PLA1A: variants seen among roughly 807,000 people sequenced by gnomAD.
PLA1A encodes the protein phosphatidylserine-specific phospholipase A1alpha.
A neutral mutation model predicts 49.4 loss-of-function variants in PLA1A; 47 were observed. The ratio of observed to expected loss-of-function variants is 0.95; its 90% CI spans 0.75 to 1.21. The LOEUF (loss-of-function observed/expected upper bound fraction) is 1.21, where lower values mean the gene tolerates loss of function less well. Among genes scored for constraint, PLA1A ranks in the 50% most tolerant of loss-of-function variants. PLA1A has a pLI of 0.00. For synonymous variants in PLA1A, 224 were observed against 207.9 expected (o/e 1.08, Z -0.67); for missense variants, 561 against 563.9 (o/e 0.99, Z 0.05).
intron 8 of PLA1A, among the ~76,000 whole-genome samples, chr3:119,620,739 T>C (rs1374178780): frequency 6.6e-6 from 1 of 152,218 alleles, no homozygotes; most frequent in East Asian, 1.9e-4. Flanking sequence ...TGTATCTTCA[T>C]GCCAGAGAAA....
At chr3:119,620,009 C>T in intron 8 of PLA1A, 1 of 463,424 alleles carries the variant, frequency 2.2e-6, no homozygotes, top group Non-Finnish European at 4.3e-6. Flanking sequence ...CTCACCCTGG[C>T]AGCCTCCAAG....
At chr3:119,605,924 C>T (rs1416073705) in intron 1 of PLA1A, among the ~76,000 whole-genome samples, 5 of 152,168 alleles carry the variant, frequency 3.3e-5, no homozygotes, top group Admixed American at 3.3e-4. Flanking sequence ...TCTATCTAGG[C>T]TATGGGCTGG....
At chr3:119,614,399 C>T (rs867793251) in intron 5 of PLA1A, among the ~76,000 whole-genome samples, 25 of 151,858 alleles carry the variant, frequency 1.6e-4, no homozygotes, top group African/African-American at 2.9e-4. Flanking sequence ...GTCAGGAGAT[C>T]GAGACCATCT....
intron 2 of PLA1A, among the ~76,000 whole-genome samples, chr3:119,608,242 G>A (rs200199290): frequency 0.04 from 4,920 of 122,464 alleles, 88 homozygotes; most frequent in East Asian, 0.071. Flanking sequence ...GAAAGAAAGA[G>A]AGAAAGAAAG....
rs72957027 is a variant in PLA1A, at chr3:119,624,082, C to T, written c.1013-1042C>T. Among the ~76,000 whole-genome samples the T allele has an allele frequency of 7.0e-3, 1,068 of 152,250 alleles. 12 individuals carry two copies. The highest frequency in any genetic ancestry group is 0.025 in the African/African-American group (1,018 of 41,536). The stretch of plus-strand genomic sequence containing the variant: ...CTACTTGTGCTACTATGACACAGTA[C>T]CTGAGACTGGGTAACTTACAAAGCT... On this transcript the variant is annotated intron_variant, in intron 8 of 10. Transcript: ENST00000273371.
intron 6 of PLA1A, 61 bp downstream of exon 6, chr3:119,616,162 T>A: frequency 9.4e-7 from 1 of 1,068,304 alleles, no homozygotes; most frequent in Non-Finnish European, 1.4e-6. Context: ...CACCAACAGC[T>A]TTTGTGTTGA....
chr3:119,622,825 C>CTTAT (rs567181855), intron 8 of PLA1A, among the ~76,000 whole-genome samples: 99 of 151,888 alleles, frequency 6.5e-4, no homozygotes, highest in African/African-American at 2.0e-3. Context: ...TCTTTCTTTT[C>CTTAT]TTATTTATTT....
chr3:119,612,721 C>T (rs910015960), intron 4 of PLA1A, among the ~76,000 whole-genome samples: 2 of 152,198 alleles, frequency 1.3e-5, no homozygotes, highest in African/African-American at 4.8e-5. Context: ...ATCTCCTGAC[C>T]TCGTGATCCG....
chr3:119,609,336 T>C, intron 3 of PLA1A, 132 bp from the exon 4 acceptor site: 2 of 764,594 alleles, frequency 2.6e-6, no homozygotes, highest in Non-Finnish European at 4.8e-6. Flanking sequence ...CTGTCCTTTT[T>C]CCCTCCAAAG....
intron 1 of PLA1A, chr3:119,600,332 T>C (rs2082600966): frequency 2.8e-6 from 2 of 702,054 alleles, no homozygotes; most frequent in African/African-American, 1.7e-5. Flanking sequence ...TTGATCAACC[T>C]GGCCCTTGAG....
At chr3:119,607,276 T>C (rs908364777) in intron 2 of PLA1A, among the ~76,000 whole-genome samples, 2 of 152,240 alleles carry the variant, frequency 1.3e-5, no homozygotes, top group African/African-American at 4.8e-5. Context: ...TGTATTTCCC[T>C]TCTTCACTTC....
chr3:119,608,265 AAAGAAAG>A (rs1036812979), intron 2 of PLA1A, among the ~76,000 whole-genome samples: 2 of 151,420 alleles, frequency 1.3e-5, no homozygotes, highest in Admixed American at 1.3e-4. Flanking sequence ...AGAAAGAAAG[AAAGAAAG>A]AAAGAAAGAA....
intron 8 of PLA1A, among the ~76,000 whole-genome samples, chr3:119,623,532 T>C (rs2082973519): frequency 1.3e-5 from 2 of 152,098 alleles, no homozygotes; most frequent in Non-Finnish European, 2.9e-5. Flanking sequence ...CAGTCTATGT[T>C]GGCGACACTC....
In PLA1A at chr3:119,629,469, T is replaced by C; in HGVS notation, c.*1T>C. On this transcript the variant is annotated 3_prime_UTR_variant, in exon 11 of 11. Transcript: ENST00000273371. Reference sequence around the variant, plus strand: ...TGACCTGAAGATAGCCTGTGTGTAGTTTAACCTGGGCAGGACACATCTCCC... The same window carrying C: ...TGACCTGAAGATAGCCTGTGTGTAGCTTAACCTGGGCAGGACACATCTCCC... The C allele has an allele frequency of 6.4e-7, 1 of 1,573,156 alleles. No homozygotes were observed. The highest frequency in any genetic ancestry group is 8.7e-7 in the Non-Finnish European group (1 of 1,143,434).
chr3:119,608,282 AAGAAAGAAAG>A (rs1210760003), intron 2 of PLA1A, among the ~76,000 whole-genome samples: 3 of 149,692 alleles, frequency 2.0e-5, no homozygotes, highest in Admixed American at 6.6e-5. Context: ...GAAAGAAAGA[AAGAAAGAAAG>A]AAAGAAAAAG....
intron 3 of PLA1A, 87 bp from the exon 4 acceptor site, chr3:119,609,381 G>A: frequency 1.2e-6 from 1 of 853,360 alleles, no homozygotes; most frequent in Non-Finnish European, 2.1e-6. Flanking sequence ...CAGGGCCTCG[G>A]CTTCTGAAGC....
At chr3:119,622,729 C>T (rs770263975) in intron 8 of PLA1A, among the ~76,000 whole-genome samples, 4 of 151,996 alleles carry the variant, frequency 2.6e-5, no homozygotes, top group East Asian at 1.9e-4. Flanking sequence ...GGGAAAATTC[C>T]GAGACTAAAG....
At chr3:119,602,213 C>G (rs1461143392) in intron 1 of PLA1A, among the ~76,000 whole-genome samples, 3 of 152,128 alleles carry the variant, frequency 2.0e-5, no homozygotes, top group Admixed American at 6.5e-5. Flanking sequence ...TTTTCTATTC[C>G]TGGAACAGCA....
At chr3:119,624,880 C>T (rs932095047) in intron 8 of PLA1A, among the ~76,000 whole-genome samples, 1 of 152,238 alleles carries the variant, frequency 6.6e-6, no homozygotes, top group Non-Finnish European at 1.5e-5. Context: ...ATCCACTCGC[C>T]TCGGCCTCCC....
Sources: gnomAD v4.1 joint callset for allele counts (sites outside exome capture counted in the v4.1 genomes callset) on GRCh38, gnomAD v4.1.1 for gene constraint, MANE v1.5 for transcripts, NCBI Gene and HGNC (gene_info 2026-07-23, HGNC 2026-07-21) for gene names.